NAALADL2: variants seen among roughly 807,000 people sequenced by gnomAD.
NAALADL2 encodes the protein inactive N-acetylated-alpha-linked acidic dipeptidase-like protein 2.
In NAALADL2, 76 loss-of-function variants were observed where a neutral mutation model predicts 87.2. That is an observed-to-expected ratio of 0.87 (90% CI 0.72 to 1.05). The LOEUF is 1.05. NAALADL2 is among the 50% of genes least tolerant of loss of function. The pLI, the probability that NAALADL2 is intolerant of heterozygous loss-of-function variation, is 0.00. For synonymous variants in NAALADL2, 354 were observed against 331.0 expected (o/e 1.07, Z -0.75); for missense variants, 1,089 against 945.8 (o/e 1.15, Z -1.99).
At chr3:174,646,413 T>C (rs1723785289) in intron 2 of NAALADL2, among the ~76,000 whole-genome samples, 1 of 152,158 alleles carries the variant, frequency 6.6e-6, no homozygotes, top group South Asian at 2.1e-4. Context: ...AAGGAATGCA[T>C]GAAAACACTA....
intron 3 of NAALADL2, among the ~76,000 whole-genome samples, chr3:174,806,598 G>T (rs532460220): frequency 8.1e-4 from 123 of 152,226 alleles, no homozygotes; most frequent in African/African-American, 2.8e-3. Context: ...AGTTACCTTT[G>T]TTTTACAGAC....
In NAALADL2 at chr3:175,755,358, A is replaced by G. The variant is rs777033568; in HGVS notation, c.2129A>G (p.Asp710Gly). ...CCCATCCGCATCCGGATGCTGAATG[A>G]CATTCTCCAAGACATGGAGAAAAGC... ...RAPIRIRMLN[D>G]ILQDMEKSFL... The change falls in exon 13 of 14, where the codon GAC becomes GGC. Residue 710 changes from aspartate to glycine, a missense_variant. Coordinates refer to ENST00000454872, the MANE Select transcript of NAALADL2 (RefSeq NM_207015.3). 1.9e-6 allele frequency: 3 copies of G among 1,612,104 alleles called. No individual in the cohort carries two copies. Among genetic ancestry groups the G allele is most frequent in the East Asian group, 4.5e-5 (2 of 44,826 alleles).
intron 9 of NAALADL2, among the ~76,000 whole-genome samples, chr3:175,529,606 A>C (rs1733843906): frequency 6.6e-6 from 1 of 152,114 alleles, no homozygotes; most frequent in Non-Finnish European, 1.5e-5. Context: ...TGTAATTGTA[A>C]TTTCAAAAGG....
intron 5 of NAALADL2, among the ~76,000 whole-genome samples, chr3:175,350,888 CT>C (rs959461640): frequency 2.0e-5 from 3 of 151,616 alleles, no homozygotes; most frequent in Admixed American, 6.6e-5. Flanking sequence ...AGAATTCAAT[CT>C]TTTTTTTTCT....
At chr3:174,492,857 GTTATTTAACCA>G (rs1166689740) in intron 1 of NAALADL2, among the ~76,000 whole-genome samples, 1 of 152,188 alleles carries the variant, frequency 6.6e-6, no homozygotes, top group Non-Finnish European at 1.5e-5. Flanking sequence ...TGAAGCACCA[GTTATTTAACCA>G]TTGTGCCCAG....
At chr3:175,665,445 A>G (rs189971919) in intron 11 of NAALADL2, among the ~76,000 whole-genome samples, 1 of 152,322 alleles carries the variant, frequency 6.6e-6, no homozygotes, top group Non-Finnish European at 1.5e-5. Context: ...AGAACCACAG[A>G]CTAAGTGTTT....
At chr3:175,250,164 G>T (rs544975258) in intron 3 of NAALADL2, among the ~76,000 whole-genome samples, 1 of 145,660 alleles carries the variant, frequency 6.9e-6, no homozygotes, top group Non-Finnish European at 1.5e-5. Flanking sequence ...AGCAAAATTC[G>T]GTCTTAAAAA....
At chr3:174,566,940 ATTC>A (rs904520292) in intron 2 of NAALADL2, among the ~76,000 whole-genome samples, 1 of 151,682 alleles carries the variant, frequency 6.6e-6, no homozygotes, top group African/African-American at 2.4e-5. Context: ...CCAACTTTAA[ATTC>A]TGCTTGGATA....
At chr3:175,345,941 C>T (rs745877038) in intron 5 of NAALADL2, among the ~76,000 whole-genome samples, 1 of 152,018 alleles carries the variant, frequency 6.6e-6, no homozygotes, top group African/African-American at 2.4e-5. Context: ...TTTACCCTAC[C>T]CAGAATAGTA....
At chr3:175,437,039 G>C (rs1463505764) in intron 5 of NAALADL2, among the ~76,000 whole-genome samples, 1 of 133,828 alleles carries the variant, frequency 7.5e-6, no homozygotes, top group African/African-American at 2.8e-5. Flanking sequence ...AAGGTGTAAG[G>C]AAGGGATCCA....
intron 9 of NAALADL2, among the ~76,000 whole-genome samples, chr3:175,508,654 T>C (rs1730688912): frequency 6.6e-6 from 1 of 152,192 alleles, no homozygotes; most frequent in African/African-American, 2.4e-5. Flanking sequence ...ACATTTTACT[T>C]CAGAATGCCT....
intron 9 of NAALADL2, among the ~76,000 whole-genome samples, chr3:175,531,221 C>T (rs542198951): frequency 2.2e-4 from 34 of 152,190 alleles, no homozygotes; most frequent in Non-Finnish European, 3.1e-4. Flanking sequence ...AATAACACAC[C>T]GAGATGAGGA....
At chr3:174,890,140 C>T (rs532044841) in intron 1 of NAALADL2, among the ~76,000 whole-genome samples, 47 of 151,978 alleles carry the variant, frequency 3.1e-4, no homozygotes, top group Admixed American at 7.2e-4. Flanking sequence ...TTCTAGTAAT[C>T]TCTCATAATA....
chr3:175,637,943 G>A (rs781379849), intron 11 of NAALADL2, among the ~76,000 whole-genome samples: 3 of 152,160 alleles, frequency 2.0e-5, no homozygotes, highest in Non-Finnish European at 2.9e-5. Context: ...GTTGCCATAT[G>A]TCTCAGTTAT....
At chr3:175,351,253 T>A (rs1217333598) in intron 5 of NAALADL2, among the ~76,000 whole-genome samples, 1 of 152,138 alleles carries the variant, frequency 6.6e-6, no homozygotes, top group Non-Finnish European at 1.5e-5. Context: ...AAAAAATAGC[T>A]GTGCATTTCT....
At chr3:174,862,155 G>A (rs1174746761) in intron 1 of NAALADL2, among the ~76,000 whole-genome samples, 1 of 151,962 alleles carries the variant, frequency 6.6e-6, no homozygotes, top group Non-Finnish European at 1.5e-5. Flanking sequence ...GAATAAAATT[G>A]TACAAATAAT....
intron 3 of NAALADL2, among the ~76,000 whole-genome samples, chr3:174,832,907 T>C (rs1312376235): frequency 6.6e-6 from 1 of 152,210 alleles, no homozygotes; most frequent in Non-Finnish European, 1.5e-5. Flanking sequence ...TGTCGTCGTG[T>C]AATTTAACAT....
chr3:175,053,076 C>T (rs1024370577), intron 1 of NAALADL2, among the ~76,000 whole-genome samples: 1 of 152,190 alleles, frequency 6.6e-6, no homozygotes, highest in African/African-American at 2.4e-5. Context: ...TTCATTTTTT[C>T]TGAACAGGTT....
intron 2 of NAALADL2, among the ~76,000 whole-genome samples, chr3:175,108,234 G>A (rs1723567470): frequency 6.6e-6 from 1 of 151,806 alleles, no homozygotes; most frequent in Non-Finnish European, 1.5e-5. Context: ...TCTAATACAA[G>A]GCAAGCTAAT....
Sources: gnomAD v4.1 joint callset for allele counts (sites outside exome capture counted in the v4.1 genomes callset) on GRCh38, gnomAD v4.1.1 for gene constraint, MANE v1.5 for transcripts, NCBI Gene and HGNC (gene_info 2026-07-23, HGNC 2026-07-21) for gene names.